The following KNDC1 variants were observed in gnomAD, a reference collection of about 807,000 sequenced individuals.
The protein encoded by KNDC1 is kinase non-catalytic C-lobe domain containing 1, also known as kinase non-catalytic C-lobe domain-containing protein 1.
A neutral mutation model predicts 172.8 loss-of-function variants in KNDC1; 106 were observed. The ratio of observed to expected loss-of-function variants is 0.61; its 90% CI spans 0.52 to 0.72. KNDC1 has a LOEUF of 0.72. Ranked by LOEUF, KNDC1 falls within the 30% of genes least tolerant of loss-of-function variation. The pLI is 0.00. For synonymous variants in KNDC1, 1,083 were observed against 1,062.2 expected, an observed-to-expected ratio of 1.02 and a Z score of -0.38; for missense variants, 2,325 against 2,394.5, an observed-to-expected ratio of 0.97 and a Z score of 0.61.
At position 133,163,442 on chromosome 10, in the gene KNDC1, A is replaced by C. The variant is rs1394276476; in HGVS notation, c.102+2873A>C. 2.6e-5 allele frequency among the ~76,000 whole-genome samples: 4 copies of C among 152,120 alleles called. No homozygotes were observed. The highest frequency in any genetic ancestry group is 2.6e-4 in the Admixed American group (4 of 15,276). On this transcript the variant is annotated intron_variant, in intron 1 of 29. Coordinates refer to ENST00000304613, the MANE Select transcript of KNDC1 (RefSeq NM_152643.8). This position sits in a 1 kb window ranked among gnomAD's most constrained non-coding sequence, Gnocchi z 4.4. The stretch of plus-strand genomic sequence containing the variant: ...AGAGGACGTCCCCGCTGCAGGGTCC[A>C]TATGACATCTGTGCCAGGATGAGCT...
intron 1 of KNDC1, among the ~76,000 whole-genome samples, chr10:133,166,897 T>C (rs930748811): frequency 4.6e-5 from 7 of 152,168 alleles, no homozygotes; most frequent in African/African-American, 1.7e-4. Context: ...TCCGTGTGAA[T>C]TGCCTGGAAC....
At position 133,199,200 on chromosome 10, in the gene KNDC1, C is replaced by T. The variant is rs375817946; in HGVS notation, c.2692C>T (p.Arg898Cys). 99 of 1,583,172 alleles carry T rather than the reference C, an allele frequency of 6.3e-5. No homozygotes were observed. Among genetic ancestry groups the T allele is most frequent in the Admixed American group, 6.0e-4 (33 of 55,050 alleles). Residue 898 changes from arginine (R) to cysteine (C), a missense_variant, in exon 14 of 30, where the codon CGC (arginine) becomes TGC (cysteine). By Grantham distance (180) the Arg-to-Cys change is radical. Transcript: ENST00000304613. ...CTGCCCGTCGCTGCAGGAGGCCACGCGCCTCATCCAGGAGGAATTTGCCTT... is the reference window on the plus strand; with the variant it reads ...CTGCCCGTCGCTGCAGGAGGCCACGTGCCTCATCCAGGAGGAATTTGCCTT... ...TACPSLQEAT[R>C]LIQEEFAFDG...
At chr10:133,193,065 AAG>A (rs1023791616) in intron 9 of KNDC1, among the ~76,000 whole-genome samples, 3 of 144,374 alleles carry the variant, frequency 2.1e-5, no homozygotes. Context: ...AAAAAACAAA[AAG>A]AGAGAGAAAC....
chr10:133,200,312 G>A (rs1854323616), intron 15 of KNDC1, 63 bp from the exon 16 acceptor site: 9 of 1,310,552 alleles, frequency 6.9e-6, no homozygotes, highest in Non-Finnish European at 9.3e-6. Context: ...GCCCCGCCCT[G>A]TGGAGACTGT....
At chr10:133,195,014 A>G (rs1854149858) in intron 9 of KNDC1, among the ~76,000 whole-genome samples, 1 of 152,228 alleles carries the variant, frequency 6.6e-6, no homozygotes, top group Non-Finnish European at 1.5e-5. Flanking sequence ...GAAATGAATG[A>G]AAACATCAAC....
At chr10:133,201,215 G>GC (rs1854353323) in intron 16 of KNDC1, among the ~76,000 whole-genome samples, 1 of 152,182 alleles carries the variant, frequency 6.6e-6, no homozygotes, top group African/African-American at 2.4e-5. Context: ...ACAGGGCCCG[G>GC]CCCCACCCCG....
chr10:133,172,005 T>C (rs1331055660), intron 3 of KNDC1, among the ~76,000 whole-genome samples: 1 of 152,226 alleles, frequency 6.6e-6, no homozygotes, highest in Non-Finnish European at 1.5e-5. Flanking sequence ...CTTTTAGTTT[T>C]CCTATTTAAC....
chr10:133,168,343 C>A (rs1294514632), intron 3 of KNDC1, 31 bp downstream of exon 3: 29 of 1,590,300 alleles, frequency 1.8e-5, no homozygotes, highest in Non-Finnish European at 2.3e-5. Flanking sequence ...TGTGCCACAC[C>A]CCCCTTTTAC....
chr10:133,188,403 C>G, intron 6 of KNDC1, 136 bp from the exon 7 acceptor site: 1 of 610,820 alleles, frequency 1.6e-6, no homozygotes, highest in Non-Finnish European at 2.9e-6. Flanking sequence ...CTCCCTAGCC[C>G]TTCTATCAGG....
chr10:133,217,461 G>A (rs1033307663), intron 26 of KNDC1, among the ~76,000 whole-genome samples: 5 of 152,380 alleles, frequency 3.3e-5, no homozygotes, highest in Non-Finnish European at 2.9e-5. Flanking sequence ...GGTGGCTCAC[G>A]CCTCTAATCC....
chr10:133,169,537 C>G (rs1853302740), intron 3 of KNDC1, among the ~76,000 whole-genome samples: 1 of 152,250 alleles, frequency 6.6e-6, no homozygotes, highest in Non-Finnish European at 1.5e-5. Flanking sequence ...GAGGCTGGAG[C>G]CCTTCACCCT....
Position 133,195,680 on chromosome 10 carries a change from G to A in KNDC1, c.1593G>A (p.Val531=). 1 of 1,610,906 alleles carries A rather than the reference G, an allele frequency of 6.2e-7. No homozygotes were observed. Among genetic ancestry groups the A allele is most frequent in the Non-Finnish European group, 8.5e-7 (1 of 1,178,852 alleles). Residue 531 remains valine (V), a synonymous_variant, in exon 10 of 30, where the codon GTG becomes GTA. Coordinates refer to ENST00000304613, the MANE Select transcript of KNDC1 (RefSeq NM_152643.8). The part of the protein sequence containing the change: ...LVTEKASVYC[V]AAVLWTAAKF... ...CCGCCCAGGCCTCTGTGTACTGTGT[G>A]GCCGCCGTTCTGTGGACCGCAGCCA... is the stretch of plus-strand genomic sequence containing the variant.
At position 133,219,946 on chromosome 10, in the gene KNDC1, G is replaced by GACC. The variant is rs1204925019; in HGVS notation, c.4861-4_4861-2dup. On this transcript the variant is annotated splice_polypyrimidine_tract_variant and intron_variant, in intron 28 of 29. Coordinates refer to ENST00000304613, the MANE Select transcript of KNDC1 (RefSeq NM_152643.8). The stretch of plus-strand genomic sequence containing the variant: ...CTCTCCCCGGCCCACGCCCCGGCTG[G>GACC]ACCACCAGGTCTTCCTGAAGAGCGA... The GACC allele has an allele frequency of 5.2e-6, 8 of 1,548,186 alleles. No individual in the cohort carries two copies. Among genetic ancestry groups the GACC allele is most frequent in the Non-Finnish European group, 7.0e-6 (8 of 1,145,204 alleles).
chr10:133,167,041 C>G, intron 1 of KNDC1: 1 of 386,204 alleles, frequency 2.6e-6, no homozygotes, highest in Admixed American at 3.8e-5. Flanking sequence ...ACAGGCCAGT[C>G]CAGCCGTGAG....
At chr10:133,166,311 G>T (rs1853151172) in intron 1 of KNDC1, among the ~76,000 whole-genome samples, 1 of 152,208 alleles carries the variant, frequency 6.6e-6, no homozygotes, top group Admixed American at 6.5e-5. Context: ...CCTCCTACCT[G>T]CACATGGGGT....
rs138781397 is a variant in KNDC1 at position 133,224,869 on chromosome 10, G to T, written c.5229G>T (p.Arg1743Ser). The change falls in exon 30 of 30, where the codon AGG (arginine) becomes AGT (serine). Residue 1743 changes from arginine to serine, a missense_variant. Physicochemically the swap from Arg to Ser is moderately radical, Grantham distance 110. Transcript: ENST00000304613. This position sits in a 1 kb window ranked among gnomAD's most constrained non-coding sequence, Gnocchi z 5.4. ...GGAAGATTCAGGACAAGCTACGGAGGATGAAGGCTACATTCCAGTAGCCGA... is the reference window on the plus strand; with the variant it reads ...GGAAGATTCAGGACAAGCTACGGAGTATGAAGGCTACATTCCAGTAGCCGA... Reference protein sequence around the residue: ...HSRKIQDKLRRMKATFQ With the variant: ...HSRKIQDKLRSMKATFQ 1 of 1,613,534 alleles carries T rather than the reference G, an allele frequency of 6.2e-7. No individual in the cohort carries two copies. Among genetic ancestry groups the T allele is most frequent in the Admixed American group, 1.7e-5 (1 of 60,000 alleles).
At chr10:133,182,480 C>T (rs777046623) in intron 3 of KNDC1, among the ~76,000 whole-genome samples, 2 of 152,158 alleles carry the variant, frequency 1.3e-5, no homozygotes, top group South Asian at 2.1e-4. Context: ...GTGTGACCTG[C>T]GATGTGGCCC....
At chr10:133,177,460 C>T (rs1853572729) in intron 3 of KNDC1, among the ~76,000 whole-genome samples, 2 of 151,986 alleles carry the variant, frequency 1.3e-5, no homozygotes, top group Non-Finnish European at 2.9e-5. Context: ...GCATCTTGTA[C>T]ATGTATGCCA....
At chr10:133,168,916 C>T (rs758438828) in intron 3 of KNDC1, among the ~76,000 whole-genome samples, 6 of 152,214 alleles carry the variant, frequency 3.9e-5, no homozygotes, top group Admixed American at 1.3e-4. Flanking sequence ...GGCAGCCCAG[C>T]GCCTTGAGGT....
Sources: gnomAD v4.1 joint callset for allele counts (sites outside exome capture counted in the v4.1 genomes callset) on GRCh38, gnomAD v4.1.1 for gene constraint, Gnocchi (gnomAD v3.1) non-coding constraint, MANE v1.5 for transcripts, NCBI Gene and HGNC (gene_info 2026-07-23, HGNC 2026-07-21) for gene names.